Variants in SLC4A8 observed in about 807,000 individuals in gnomAD.
The protein encoded by SLC4A8 is solute carrier family 4 member 8.
SLC4A8 carries 40 observed loss-of-function variants against 125.0 expected under a neutral mutation model. The observed-to-expected ratio is 0.32, with a 90% CI of 0.25 to 0.42. The LOEUF (loss-of-function observed/expected upper bound fraction) is 0.42, where lower values mean the gene tolerates loss of function less well. Ranked by LOEUF, SLC4A8 falls within the 10% of genes least tolerant of loss-of-function variation. The pLI is 1.00. For synonymous variants in SLC4A8, 456 were observed against 476.0 expected, an observed-to-expected ratio of 0.96 and a Z score of 0.55; for missense variants, 863 against 1,355.1, an observed-to-expected ratio of 0.64 and a Z score of 5.70.
chr12:51,471,234 G>T, intron 13 of SLC4A8, 53 bp from the exon 14 acceptor site: 2 of 1,559,480 alleles, frequency 1.3e-6, no homozygotes, highest in Non-Finnish European at 1.7e-6. Context: ...CTGACTCCTT[G>T]TCTCTTAATG....
chr12:51,472,090 ATTTC>A (rs1449969643), intron 14 of SLC4A8, among the ~76,000 whole-genome samples: 2 of 152,216 alleles, frequency 1.3e-5, no homozygotes, highest in African/African-American at 4.8e-5. Flanking sequence ...AGAGATTATG[ATTTC>A]TTTATGTGTT....
At chr12:51,439,185 T>C (rs1949513280) in intron 1 of SLC4A8, among the ~76,000 whole-genome samples, 1 of 152,098 alleles carries the variant, frequency 6.6e-6, no homozygotes, top group African/African-American at 2.4e-5. Context: ...GCCTCCTGAG[T>C]AGCTGGCACT....
At chr12:51,434,661 AT>A (rs747761223) in intron 1 of SLC4A8, among the ~76,000 whole-genome samples, 2 of 152,136 alleles carry the variant, frequency 1.3e-5, no homozygotes, top group African/African-American at 2.4e-5. Flanking sequence ...TGCAGTTACA[AT>A]TTTAAAGAAA....
chr12:51,395,692 G>A (rs1241133232), intron 1 of SLC4A8, among the ~76,000 whole-genome samples: 1 of 152,156 alleles, frequency 6.6e-6, no homozygotes, highest in Non-Finnish European at 1.5e-5. Context: ...GGTTAGTAGG[G>A]AGGCCAGCTG....
At chr12:51,425,476 G>C (rs1948940078) in intron 1 of SLC4A8, 2 of 981,550 alleles carry the variant, frequency 2.0e-6, no homozygotes, top group Admixed American at 6.0e-5. Flanking sequence ...CAGTGGTTCA[G>C]AGGAAAAGCC....
At chr12:51,445,548 C>T (rs1282462304) in intron 2 of SLC4A8, among the ~76,000 whole-genome samples, 1 of 152,044 alleles carries the variant, frequency 6.6e-6, no homozygotes, top group Non-Finnish European at 1.5e-5. Context: ...TTTTTCTGTC[C>T]TTGTACATCT....
At chr12:51,461,408 G>A (rs572345166) in intron 9 of SLC4A8, 117 bp downstream of exon 9, 27 of 671,262 alleles carry the variant, frequency 4.0e-5, no homozygotes, top group South Asian at 3.5e-4. Flanking sequence ...AATATCTGCT[G>A]GGAAGTAGTT....
chr12:51,499,923 G>A (rs1937776068), intron 22 of SLC4A8, among the ~76,000 whole-genome samples: 1 of 152,162 alleles, frequency 6.6e-6, no homozygotes. Flanking sequence ...GTGGTAGCAG[G>A]GAGACCAGCT....
intron 2 of SLC4A8, among the ~76,000 whole-genome samples, chr12:51,445,156 T>C (rs1459744589): frequency 6.6e-6 from 1 of 151,990 alleles, no homozygotes; most frequent in Non-Finnish European, 1.5e-5. Flanking sequence ...GCCAAAGTGG[T>C]TGTTTAGTTT....
At chr12:51,488,340 G>A (rs1951214242) in intron 17 of SLC4A8, among the ~76,000 whole-genome samples, 1 of 152,172 alleles carries the variant, frequency 6.6e-6, no homozygotes, top group African/African-American at 2.4e-5. Flanking sequence ...GGGATAGTAG[G>A]TTATTGGTAG....
chr12:51,461,073 C>CTTT, intron 8 of SLC4A8, 131 bp from the exon 9 acceptor site: 9 of 425,096 alleles, frequency 2.1e-5, no homozygotes, highest in South Asian at 4.2e-5. Flanking sequence ...TTACTGTCTT[C>CTTT]TTTTTTTTTT....
At chr12:51,404,281 A>G (rs777321459) in intron 1 of SLC4A8, among the ~76,000 whole-genome samples, 3 of 152,204 alleles carry the variant, frequency 2.0e-5, no homozygotes, top group Non-Finnish European at 4.4e-5. Flanking sequence ...TTGACTATGT[A>G]CAAGGAGAGG....
Position 51,510,573 on chromosome 12 carries a change from C to T in SLC4A8, c.*3135C>T, listed in dbSNP as rs1014587481. On this transcript the variant is annotated 3_prime_UTR_variant, in exon 25 of 25. Transcript: ENST00000453097. The stretch of plus-strand genomic sequence containing the variant: ...TTATGCTTGCTAATGTGTCAAAGGC[C>T]AAGTACACTGTATCAAACTTGCCGT... 3 of 152,138 alleles carry T rather than the reference C, an allele frequency of 2.0e-5. No homozygotes were observed. Among genetic ancestry groups the T allele is most frequent in the Non-Finnish European group, 4.4e-5 (3 of 68,034 alleles). 9.4% of individuals were successfully genotyped at this position (152,138 alleles called of 1,614,324 possible).
In SLC4A8 at chr12:51,459,958, T is replaced by C. The variant is rs752962120; in HGVS notation, c.863T>C (p.Leu288Pro). ...TTTCTTTTGGACTTTCAGGTAGACC[T>C]TCATTTCATGAAAAAAATTCCTACT... ...HSPVDLSKVD[L>P]HFMKKIPTGA... Residue 288 changes from leucine (L) to proline (P), a missense_variant, in exon 8 of 25, where the codon CTT becomes CCT. Physicochemically the swap from Leu to Pro is moderately conservative, Grantham distance 98 (BLOSUM62 -3). Coordinates refer to ENST00000453097, the MANE Select transcript of SLC4A8 (RefSeq NM_001039960.3). 6.2e-7 allele frequency: 1 copy of C among 1,613,372 alleles called. No homozygotes were observed. The highest frequency in any genetic ancestry group is 1.7e-5 in the Admixed American group (1 of 59,820).
intron 1 of SLC4A8, among the ~76,000 whole-genome samples, chr12:51,397,439 G>A (rs926958537): frequency 4.6e-5 from 7 of 152,078 alleles, no homozygotes; most frequent in African/African-American, 1.2e-4. Flanking sequence ...ATTGGGACGT[G>A]GACAAAGAAC....
intron 16 of SLC4A8, among the ~76,000 whole-genome samples, chr12:51,482,599 C>G (rs7296828): frequency 7.2e-4 from 110 of 152,144 alleles, no homozygotes; most frequent in Non-Finnish European, 1.4e-3. Flanking sequence ...AGGCTGGTCT[C>G]GAATTCCTGA....
At chr12:51,483,833 C>A (rs1476348658) in intron 16 of SLC4A8, among the ~76,000 whole-genome samples, 2 of 152,016 alleles carry the variant, frequency 1.3e-5, no homozygotes, top group Non-Finnish European at 2.9e-5. Context: ...TGGTGTGCTG[C>A]ACCCATTACC....
intron 1 of SLC4A8, among the ~76,000 whole-genome samples, chr12:51,396,271 G>T (rs1198253085): frequency 6.6e-6 from 1 of 152,072 alleles, no homozygotes; most frequent in Non-Finnish European, 1.5e-5. Flanking sequence ...CCATGTGTTA[G>T]CCTCTATGCT....
intron 21 of SLC4A8, among the ~76,000 whole-genome samples, chr12:51,495,653 A>AT (rs1246116417): frequency 3.4e-5 from 5 of 148,886 alleles, no homozygotes; most frequent in Middle Eastern, 3.2e-3. Context: ...TTTTTTTTGT[A>AT]TTTTTTTTAG....
Sources: allele counts gnomAD v4.1 joint callset (sites outside exome capture counted in the v4.1 genomes callset), GRCh38; gene constraint gnomAD v4.1.1; transcripts MANE v1.5; gene names NCBI Gene and HGNC (gene_info 2026-07-23, HGNC 2026-07-21).